Variants in INO80 observed in about 807,000 individuals in gnomAD.
INO80 encodes the protein INO80 complex ATPase subunit.
INO80 carries 20 observed loss-of-function variants against 203.4 expected under a neutral mutation model. The ratio of observed to expected loss-of-function variants is 0.10; its 90% CI spans 0.07 to 0.14. The LOEUF is 0.14. Ranked by LOEUF, INO80 falls within the 10% of genes least tolerant of loss-of-function variation. The pLI is 1.00. For synonymous variants in INO80, 726 were observed against 685.2 expected (o/e 1.06, Z -0.93); for missense variants, 1,419 against 1,914.4 (o/e 0.74, Z 4.83).
chr15:41,041,047 G>A (rs1052434981), intron 24 of INO80, among the ~76,000 whole-genome samples: 1 of 152,102 alleles, frequency 6.6e-6, no homozygotes, highest in Non-Finnish European at 1.5e-5. Context: ...AAGTTTAAAT[G>A]AAGAGACAGA....
chr15:41,028,303 T>C (rs148751542), intron 24 of INO80, among the ~76,000 whole-genome samples: 3 of 152,148 alleles, frequency 2.0e-5, no homozygotes, highest in East Asian at 3.9e-4. Context: ...ACCTGGCAAA[T>C]TGTTGCATTT....
chr15:41,080,978 C>G (rs2045476764), intron 8 of INO80, 42 bp downstream of exon 8: 1 of 1,324,780 alleles, frequency 7.5e-7, no homozygotes, highest in African/African-American at 1.4e-5. Flanking sequence ...AGAATATATT[C>G]CAGCAAAACA....
intron 1 of INO80, 137 bp downstream of exon 1, chr15:41,115,836 A>G (rs1022490353): frequency 1.9e-5 from 7 of 370,134 alleles, no homozygotes; most frequent in Non-Finnish European, 2.9e-5. Flanking sequence ...CCCATCCTCC[A>G]TACTAACCCC....
chr15:41,040,608 C>G (rs1290463689), intron 24 of INO80, among the ~76,000 whole-genome samples: 1 of 152,120 alleles, frequency 6.6e-6, no homozygotes, highest in Non-Finnish European at 1.5e-5. Context: ...TGCAGTGGGT[C>G]ATGCCTAAGT....
At chr15:41,101,929 T>C (rs1035385918) in intron 1 of INO80, among the ~76,000 whole-genome samples, 1 of 150,680 alleles carries the variant, frequency 6.6e-6, no homozygotes, top group Non-Finnish European at 1.5e-5. Flanking sequence ...TGGTGGCTCA[T>C]GCCTGTAATC....
At chr15:41,045,232 T>C (rs1197117170) in intron 23 of INO80, among the ~76,000 whole-genome samples, 157 bp from the exon 24 acceptor site, 1 of 152,208 alleles carries the variant, frequency 6.6e-6, no homozygotes, top group Non-Finnish European at 1.5e-5. Context: ...TCAGATACAT[T>C]ATTTCGCATT....
At chr15:41,073,352 G>C in intron 11 of INO80, 76 bp downstream of exon 11, 1 of 1,216,804 alleles carries the variant, frequency 8.2e-7, no homozygotes, top group Non-Finnish European at 1.2e-6. Flanking sequence ...TAAGACTAAA[G>C]GAAGACCACC....
intron 24 of INO80, among the ~76,000 whole-genome samples, chr15:41,037,045 G>C (rs1285278311): frequency 1.3e-5 from 2 of 152,144 alleles, no homozygotes; most frequent in African/African-American, 2.4e-5. Flanking sequence ...GGAGGTTACA[G>C]TGAGCCAAGG....
chr15:40,984,186 A>G lies in INO80; in HGVS notation c.4077+11T>C. Reference sequence around the variant, plus strand: ...TACGGCTGTGATGCAGGCATCTAAAAGGAGCCTCACCTCACTGAAAGGGCT... The same window carrying G: ...TACGGCTGTGATGCAGGCATCTAAAGGGAGCCTCACCTCACTGAAAGGGCT... On this transcript the variant is annotated intron_variant, in intron 33 of 35. Coordinates refer to ENST00000648947, the MANE Select transcript of INO80 (RefSeq NM_017553.3). 6.2e-7 allele frequency: 1 copy of G among 1,612,504 alleles called. No individual in the cohort carries two copies.
chr15:40,987,546 C>T (rs918947472), intron 30 of INO80, among the ~76,000 whole-genome samples: 5 of 152,234 alleles, frequency 3.3e-5, no homozygotes, highest in South Asian at 2.1e-4. Flanking sequence ...CCACTGAATG[C>T]GAGAGGCCAT....
At position 40,987,199 on chromosome 15, in the gene INO80, C is replaced by T. The variant is rs768944998; in HGVS notation, c.3730-6G>A. 20 of 1,569,998 alleles carry T rather than the reference C, an allele frequency of 1.3e-5. No homozygotes were observed. In the South Asian group the frequency reaches 2.2e-4, roughly 17 times the overall value. On this transcript the variant is annotated splice_polypyrimidine_tract_variant and splice_region_variant and intron_variant, in intron 30 of 35. Transcript: ENST00000648947. ...GAAATCACCATCCGCTGAATCTACA[C>T]CAAAGCAGATCAAAATGTCACCTCC...
Position 41,026,382 on chromosome 15 carries a change from G to A in INO80, c.3048+1214C>T, listed in dbSNP as rs147359094. Among the ~76,000 whole-genome samples, 342 of 151,864 alleles carry A rather than the reference G, an allele frequency of 2.3e-3. 1 individual carries two copies. The highest frequency in any genetic ancestry group is 7.6e-3 in the African/African-American group (317 of 41,438). ...AGCCTGGGCGACATGACAAAACCTC[G>A]TCTTTACAAAAAATTTAAAAAGTAG... On this transcript the variant is annotated intron_variant, in intron 25 of 35. Transcript: ENST00000648947.
At chr15:40,997,737 G>C in intron 28 of INO80, 136 bp from the exon 29 acceptor site, 1 of 612,914 alleles carries the variant, frequency 1.6e-6, no homozygotes, top group Admixed American at 2.4e-5. Context: ...AGGCCTGACT[G>C]TATTTCTGTA....
At chr15:41,068,883 T>C (rs189584833) in intron 14 of INO80, among the ~76,000 whole-genome samples, 114 of 151,434 alleles carry the variant, frequency 7.5e-4, no homozygotes, top group African/African-American at 2.7e-3. Context: ...AAACAAGACA[T>C]GTATTAAAAA....
At chr15:41,064,911 T>A (rs2045182414) in intron 14 of INO80, among the ~76,000 whole-genome samples, 1 of 152,082 alleles carries the variant, frequency 6.6e-6, no homozygotes, top group Non-Finnish European at 1.5e-5. Flanking sequence ...GCAGAAGAAC[T>A]GCTTGAACCC....
rs761265729 is a variant in INO80 at position 41,024,844 on chromosome 15, A to G, written c.3048+2752T>C. 3.3e-5 allele frequency among the ~76,000 whole-genome samples: 5 copies of G among 152,318 alleles called. No individual in the cohort carries two copies. The South Asian group carries it at 6.2e-4, about 19-fold the overall frequency. On this transcript the variant is annotated intron_variant, in intron 25 of 35. Transcript: ENST00000648947. ...AAGGACATCAGTTTCTCTCTCCCCA[A>G]TACAGATGGGTTAGAAGTCAATATA...
At chr15:41,033,117 A>G (rs2044516146) in intron 24 of INO80, among the ~76,000 whole-genome samples, 1 of 152,188 alleles carries the variant, frequency 6.6e-6, no homozygotes, top group Non-Finnish European at 1.5e-5. Context: ...AACAGTTTCA[A>G]TGAGACAGAC....
chr15:40,983,336 C>CTCTT (rs1893908000), intron 34 of INO80: 1 of 484,274 alleles, frequency 2.1e-6, no homozygotes. Context: ...CCTGAGTTTC[C>CTCTT]TCTTTAAATT....
At chr15:41,055,515 C>G (rs1017755984) in intron 17 of INO80, 151 bp from the exon 18 acceptor site, 1 of 399,208 alleles carries the variant, frequency 2.5e-6, no homozygotes, top group African/African-American at 2.1e-5. Flanking sequence ...TGAATGAATT[C>G]AACTACATTC....
Sources: gnomAD v4.1 joint callset for allele counts (sites outside exome capture counted in the v4.1 genomes callset) on GRCh38, gnomAD v4.1.1 for gene constraint, MANE v1.5 for transcripts, NCBI Gene and HGNC (gene_info 2026-07-23, HGNC 2026-07-21) for gene names.